Variants in CDC73 observed in about 807,000 individuals in gnomAD.
CDC73 encodes cell division cycle 73.
CDC73 carries 21 observed loss-of-function variants against 83.7 expected under a neutral mutation model. That is an observed-to-expected ratio of 0.25 (90% CI 0.18 to 0.36). CDC73 has a LOEUF of 0.36. Among genes scored for constraint, CDC73 ranks in the 10% least tolerant of loss-of-function variants. The pLI is 1.00. For synonymous variants in CDC73, 224 were observed against 212.9 expected, an observed-to-expected ratio of 1.05 and a Z score of -0.45; for missense variants, 342 against 653.3, an observed-to-expected ratio of 0.52 and a Z score of 5.19.
intron 13 of CDC73, among the ~76,000 whole-genome samples, chr1:193,230,847 T>G (rs934398782): frequency 4.6e-5 from 7 of 152,182 alleles, no homozygotes; most frequent in Non-Finnish European, 1.0e-4. Flanking sequence ...ATAAGATCTA[T>G]CCTTATGTTT....
chr1:193,146,907 A>T (rs768738790), intron 7 of CDC73, among the ~76,000 whole-genome samples: 7 of 152,236 alleles, frequency 4.6e-5, no homozygotes, highest in Non-Finnish European at 8.8e-5. Context: ...ATCTGAAATT[A>T]GCACTGGAGT....
chr1:193,229,788 T>C (rs1677627270), intron 13 of CDC73, among the ~76,000 whole-genome samples: 1 of 152,156 alleles, frequency 6.6e-6, no homozygotes, highest in African/African-American at 2.4e-5. Context: ...TTACATTGAA[T>C]GAAAGAAGCC....
intron 10 of CDC73, chr1:193,180,596 G>C (rs1411569101): frequency 2.5e-6 from 4 of 1,614,106 alleles, no homozygotes; most frequent in Admixed American, 1.7e-5. Flanking sequence ...TTTTCTGCCA[G>C]ATCTCCAGAA....
chr1:193,122,937 T>C (rs1675488789), intron 1 of CDC73, among the ~76,000 whole-genome samples: 1 of 152,198 alleles, frequency 6.6e-6, no homozygotes, highest in African/African-American at 2.4e-5. Flanking sequence ...GAGTGAGCTT[T>C]ACAGATCTAA....
intron 13 of CDC73, among the ~76,000 whole-genome samples, chr1:193,229,629 T>A (rs961731402): frequency 6.6e-6 from 1 of 152,214 alleles, no homozygotes; most frequent in African/African-American, 2.4e-5. Context: ...CAGTCTGTGC[T>A]ATTTCTCTTA....
intron 10 of CDC73, among the ~76,000 whole-genome samples, chr1:193,194,840 G>T (rs528904540): frequency 2.6e-5 from 4 of 152,052 alleles, no homozygotes; most frequent in South Asian, 2.1e-4. Flanking sequence ...AATTTGAATT[G>T]CTATATTAGT....
rs149126904 is a variant in CDC73, at chr1:193,139,900, A to G, written c.512+1727A>G. On this transcript the variant is annotated intron_variant, in intron 6 of 16. Coordinates refer to ENST00000367435, the MANE Select transcript of CDC73 (RefSeq NM_024529.5). ...GCACTATTCTTCACTTTGTGTGAAC[A>G]CTAGGCATTATTCTGTCTAATTCAC... Among the ~76,000 whole-genome samples, 859 of 152,330 alleles carry G rather than the reference A, an allele frequency of 5.6e-3. 9 individuals are homozygous for G. Among genetic ancestry groups the G allele is most frequent in the African/African-American group, 0.019 (790 of 41,558 alleles).
intron 5 of CDC73, 118 bp from the exon 6 acceptor site, chr1:193,137,967 C>T: frequency 2.6e-6 from 2 of 767,806 alleles, no homozygotes; most frequent in South Asian, 1.4e-5. Flanking sequence ...GGCCTAAAGA[C>T]ACTGATACCT....
intron 11 of CDC73, among the ~76,000 whole-genome samples, chr1:193,211,250 T>C (rs899427984): frequency 6.6e-6 from 1 of 152,166 alleles, no homozygotes; most frequent in Non-Finnish European, 1.5e-5. Context: ...TCCCATAAAT[T>C]TAATGCCTTT....
At chr1:193,162,288 G>A (rs1259647412) in intron 10 of CDC73, among the ~76,000 whole-genome samples, 165 of 119,664 alleles carry the variant, frequency 1.4e-3, no homozygotes, top group South Asian at 4.8e-3. Context: ...TAGTATATAT[G>A]ATATATTATA....
chr1:193,183,342 C>A (rs966825176), intron 10 of CDC73, among the ~76,000 whole-genome samples: 2 of 88,102 alleles, frequency 2.3e-5, no homozygotes, highest in African/African-American at 7.1e-5. Context: ...TATAATATTT[C>A]TAAAATGTAA....
intron 10 of CDC73, among the ~76,000 whole-genome samples, chr1:193,191,260 C>G (rs1407488177): frequency 6.6e-6 from 1 of 152,150 alleles, no homozygotes; most frequent in Non-Finnish European, 1.5e-5. Flanking sequence ...ATATACCAGT[C>G]TATGGGCATT....
intron 10 of CDC73, among the ~76,000 whole-genome samples, chr1:193,188,930 GCAA>G (rs2103166554): frequency 6.6e-6 from 1 of 151,256 alleles, no homozygotes; most frequent in African/African-American, 2.4e-5. Context: ...AAGTACAGCT[GCAA>G]CCTCTTTCTT....
intron 7 of CDC73, among the ~76,000 whole-genome samples, chr1:193,145,507 A>T (rs1354902703): frequency 6.6e-6 from 1 of 151,680 alleles, no homozygotes; most frequent in Non-Finnish European, 1.5e-5. Flanking sequence ...AAAACCTGCC[A>T]CTCTTTCTTG....
chr1:193,249,886 A>C lies in CDC73; in HGVS notation c.1559+15A>C. 6.2e-7 allele frequency: 1 copy of C among 1,610,970 alleles called. No individual in the cohort carries two copies. The highest frequency in any genetic ancestry group is 8.5e-7 in the Non-Finnish European group (1 of 1,177,442). ...ACATTGGACAGGTAATTCCGATTCT[A>C]AAATATGCTTGTGTGTGTTTTATTG... On this transcript the variant is annotated intron_variant, in intron 16 of 16. Coordinates refer to ENST00000367435, the MANE Select transcript of CDC73 (RefSeq NM_024529.5).
chr1:193,137,166 G>T (rs939195736), intron 5 of CDC73, among the ~76,000 whole-genome samples: 1 of 152,200 alleles, frequency 6.6e-6, no homozygotes, highest in Non-Finnish European at 1.5e-5. Flanking sequence ...TTTAAAATCA[G>T]TAGTAAGGAA....
chr1:193,232,952 G>T, intron 13 of CDC73, 41 bp from the exon 14 acceptor site: 1 of 1,534,450 alleles, frequency 6.5e-7, no homozygotes, highest in South Asian at 1.1e-5. Context: ...TTTTCATCAC[G>T]TGGAATACAT....
At chr1:193,125,060 A>C in intron 1 of CDC73, 52 bp from the exon 2 acceptor site, 2 of 893,312 alleles carry the variant, frequency 2.2e-6, no homozygotes, top group South Asian at 2.6e-5. Context: ...ATCCAGCCTG[A>C]AGAGTTGAAT....
At chr1:193,176,555 C>G (rs1676605848) in intron 10 of CDC73, among the ~76,000 whole-genome samples, 1 of 152,160 alleles carries the variant, frequency 6.6e-6, no homozygotes, top group Non-Finnish European at 1.5e-5. Flanking sequence ...AGTGGGTTTT[C>G]TATCCCATTT....
Sources: gnomAD v4.1 joint callset for allele counts (sites outside exome capture counted in the v4.1 genomes callset) on GRCh38, gnomAD v4.1.1 for gene constraint, MANE v1.5 for transcripts, NCBI Gene and HGNC (gene_info 2026-07-23, HGNC 2026-07-21) for gene names.